Variants in DXO observed in about 807,000 individuals in gnomAD.
The protein encoded by DXO is decapping exoribonuclease.
In DXO, 42 loss-of-function variants were observed where a neutral mutation model predicts 39.8. The observed-to-expected ratio is 1.06, with a 90% CI of 0.83 to 1.37. The LOEUF (loss-of-function observed/expected upper bound fraction) is 1.37, where lower values mean the gene tolerates loss of function less well. DXO is among the 40% of genes most tolerant of loss of function. The pLI is 0.00. For synonymous variants in DXO, 193 were observed against 200.4 expected, an observed-to-expected ratio of 0.96 and a Z score of 0.31; for missense variants, 495 against 513.0, an observed-to-expected ratio of 0.96 and a Z score of 0.34.
Position 31,970,797 on chromosome 6 carries a change from A to G in DXO, c.621T>C (p.Ser207=), listed in dbSNP as rs1322031556. The part of the protein sequence containing the change: ...ADKPGSSPDP[S]GEVNTNVAFC... ...AGGCCACGTTGGTGTTAACCTCCCC[A>G]GAGGGGTCTGGGGAGCTTCCAGGTT... The change falls in exon 4 of 7, where the codon TCT becomes TCC. Residue 207 remains serine (S), a synonymous_variant. Coordinates refer to ENST00000337523, the MANE Select transcript of DXO (RefSeq NM_005510.4). This position sits in a 1 kb window ranked among gnomAD's most constrained non-coding sequence, Gnocchi z 4.0. 2 of 1,612,818 alleles carry G rather than the reference A, an allele frequency of 1.2e-6. No homozygotes were observed. Among genetic ancestry groups the G allele is most frequent in the Non-Finnish European group, 1.7e-6 (2 of 1,179,922 alleles).
chr6:31,970,495 G>C lies in DXO; in HGVS notation c.813-17C>G, dbSNP rs537356595. Reference sequence around the variant, plus strand: ...AGCTTGTGTCTGACAGGAAAAGCAAGGGATCAGTGGGACCCCTCGTGCACC... The same window carrying C: ...AGCTTGTGTCTGACAGGAAAAGCAACGGATCAGTGGGACCCCTCGTGCACC... On this transcript the variant is annotated splice_polypyrimidine_tract_variant and intron_variant, in intron 4 of 6. Transcript: ENST00000337523. The surrounding 1 kb of genome is among the most constrained non-coding windows in gnomAD (Gnocchi z 4.0). 1.2e-6 allele frequency: 2 copies of C among 1,613,912 alleles called. No individual in the cohort carries two copies. Among genetic ancestry groups the C allele is most frequent in the Non-Finnish European group, 1.7e-6 (2 of 1,180,006 alleles).
Position 31,970,633 on chromosome 6 carries a change from C to G in DXO, c.785G>C (p.Ser262Thr), listed in dbSNP as rs144456656. 102 of 1,613,276 alleles carry G rather than the reference C, an allele frequency of 6.3e-5. No individual in the cohort carries two copies. The African/African-American group carries it at 1.3e-3, about 21-fold the overall frequency. ...GTAGAAACTCCTCCATTGGCCAGGG[C>G]TGTGCATCTCCTTGGAGGTCTTGAG... Reference protein sequence around the residue: ...VELKTSKEMHSPGQWRSFYRH... With the variant: ...VELKTSKEMHTPGQWRSFYRH... Residue 262 changes from serine (S) to threonine (T), a missense_variant, in exon 4 of 7, where the codon AGC (serine) becomes ACC (threonine). Physicochemically the swap from Ser to Thr is moderately conservative, Grantham distance 58. Transcript: ENST00000337523. The surrounding 1 kb of genome is among the most constrained non-coding windows in gnomAD (Gnocchi z 4.0).
Position 31,970,089 on chromosome 6 carries a change from G to A in DXO, c.1043+20C>T. ...TGGATCCTGGGATCCAGAGGGGAGG[G>A]ACAGAGCTGAATGCCTCACCTGGGG... is the stretch of plus-strand genomic sequence containing the variant. On this transcript the variant is annotated intron_variant, in intron 6 of 6. Coordinates refer to ENST00000337523, the MANE Select transcript of DXO (RefSeq NM_005510.4). This position sits in a 1 kb window ranked among gnomAD's most constrained non-coding sequence, Gnocchi z 4.0. 6.2e-7 allele frequency: 1 copy of A among 1,613,892 alleles called. No homozygotes were observed. Among genetic ancestry groups the A allele is most frequent in the Non-Finnish European group, 8.5e-7 (1 of 1,180,004 alleles).
Position 31,972,132 on chromosome 6 carries a change from C to A in DXO, c.-210G>T. 6.2e-7 allele frequency: 1 copy of A among 1,613,004 alleles called. No homozygotes were observed. ...CGTGGCCACCGGCGCCCCTCCACGC[C>A]GCCAACGAGTCCCCGGGCGTGCGTG... On this transcript the variant is annotated 5_prime_UTR_variant, in exon 1 of 7. Coordinates refer to ENST00000337523, the MANE Select transcript of DXO (RefSeq NM_005510.4). The surrounding 1 kb of genome is among the most constrained non-coding windows in gnomAD (Gnocchi z 6.3).
Position 31,970,666 on chromosome 6 carries a change from TAGC to T in DXO, c.749_751del (p.Cys250del), listed in dbSNP as rs769714467. The T allele has an allele frequency of 6.2e-7, 1 of 1,613,016 alleles. No individual in the cohort carries two copies. On this transcript the variant is annotated inframe_deletion, in exon 4 of 7. Transcript: ENST00000337523. The surrounding 1 kb of genome is among the most constrained non-coding windows in gnomAD (Gnocchi z 4.0). ...CTCCTTGGAGGTCTTGAGCTCCACATAGCAGGTTGGGGGCTGTGTGGATGGGGC... is the reference window on the plus strand; with the variant it reads ...CTCCTTGGAGGTCTTGAGCTCCACATAGGTTGGGGGCTGTGTGGATGGGGC...
rs752684336 is a variant in DXO, at chr6:31,969,847, G to A, written c.*30C>T. On this transcript the variant is annotated 3_prime_UTR_variant, in exon 7 of 7. Transcript: ENST00000337523. This position sits in a 1 kb window ranked among gnomAD's most constrained non-coding sequence, Gnocchi z 6.1. Reference sequence around the variant, plus strand: ...AATATGCTTTTATTATCTGCACACAGAGATATGACTGCCTCCCTCTAAAGC... The same window carrying A: ...AATATGCTTTTATTATCTGCACACAAAGATATGACTGCCTCCCTCTAAAGC... 1.2e-6 allele frequency: 2 copies of A among 1,614,030 alleles called. No individual in the cohort carries two copies. Among genetic ancestry groups the A allele is most frequent in the East Asian group, 2.2e-5 (1 of 44,890 alleles).
In DXO at chr6:31,971,454, G is replaced by C. The variant is rs375449615; in HGVS notation, c.222C>G (p.Pro74=). The C allele has an allele frequency of 5.0e-6, 8 of 1,613,684 alleles. No individual in the cohort carries two copies. The highest frequency in any genetic ancestry group is 1.7e-4 in the Middle Eastern group (1 of 6,056). ...CAAAGTTGGGGCCTGGACCGTTAGT[G>C]GGGGGTGGGCTATAGTAGCGCAGGG... ...ARALRYYSPP[P]TNGPGPNFDL... is the part of the protein sequence containing the mutation. The change falls in exon 2 of 7, where the codon CCC becomes CCG. Residue 74 remains proline (P), a synonymous_variant. Transcript: ENST00000337523. The surrounding 1 kb of genome is among the most constrained non-coding windows in gnomAD (Gnocchi z 4.5).
rs749997061 is a variant in DXO at position 31,970,756 on chromosome 6, C to T, written c.662G>A (p.Arg221His). The T allele has an allele frequency of 6.2e-6, 10 of 1,612,830 alleles. No individual in the cohort carries two copies. The African/African-American group carries it at 6.7e-5, about 11-fold the overall frequency. Residue 221 changes from arginine (R) to histidine (H), a missense_variant, in exon 4 of 7, where the codon CGC becomes CAC. Arg to His is a conservative substitution (Grantham distance 29). Coordinates refer to ENST00000337523, the MANE Select transcript of DXO (RefSeq NM_005510.4). The surrounding 1 kb of genome is among the most constrained non-coding windows in gnomAD (Gnocchi z 4.0). The part of the protein sequence containing the change: ...NTNVAFCSVL[R>H]SRLGSHPLLF... The stretch of plus-strand genomic sequence containing the variant: ...CAGAGGGTGGCTTCCCAGGCGGCTG[C>T]GTAGCACAGAGCAGAAGGCCACGTT...
rs780681918 is a variant in DXO at position 31,970,660 on chromosome 6, T to C, written c.758A>G (p.Glu253Gly). Residue 253 changes from glutamate to glycine, a missense_variant, in exon 4 of 7, where the codon GAG becomes GGG. Physicochemically the swap from Glu to Gly is moderately conservative, Grantham distance 98 (BLOSUM62 -2). Transcript: ENST00000337523. The surrounding 1 kb of genome is among the most constrained non-coding windows in gnomAD (Gnocchi z 4.0). ...GTGCATCTCCTTGGAGGTCTTGAGC[T>C]CCACATAGCAGGTTGGGGGCTGTGT... ...PSTQPPTCYV[E>G]LKTSKEMHSP... The C allele has an allele frequency of 1.2e-6, 2 of 1,612,980 alleles. No homozygotes were observed. Among genetic ancestry groups the C allele is most frequent in the South Asian group, 1.1e-5 (1 of 91,072 alleles).
Position 31,971,655 on chromosome 6 carries a change from C to A in DXO, c.21G>T (p.Lys7Asn), listed in dbSNP as rs1277227997. ...CTACCTCTGTCTTCTCAGCTCCTCT[C>A]TTGGTCCCCCTGGGATCCATGAGGT... MDPRGT[K>N]RGAEKTEVAE... Residue 7 changes from lysine to asparagine, a missense_variant, in exon 2 of 7, where the codon AAG becomes AAT. Lys to Asn is a moderately conservative substitution (Grantham distance 94, BLOSUM62 0). Coordinates refer to ENST00000337523, the MANE Select transcript of DXO (RefSeq NM_005510.4). This position sits in a 1 kb window ranked among gnomAD's most constrained non-coding sequence, Gnocchi z 4.5. 1 of 1,607,594 alleles carries A rather than the reference C, an allele frequency of 6.2e-7. No individual in the cohort carries two copies. The highest frequency in any genetic ancestry group is 1.7e-5 in the Admixed American group (1 of 59,996).
Position 31,970,399 on chromosome 6 carries a change from CGTCT to C in DXO, c.888_891del (p.Asp297ValfsTer12). The C allele has an allele frequency of 1.2e-6, 2 of 1,614,046 alleles. No homozygotes were observed. The highest frequency in any genetic ancestry group is 1.7e-6 in the Non-Finnish European group (2 of 1,180,008). On this transcript the variant is annotated frameshift_variant, in exon 5 of 7. Coordinates refer to ENST00000337523, the MANE Select transcript of DXO (RefSeq NM_005510.4). LOFTEE classifies it high-confidence loss of function. This position sits in a 1 kb window ranked among gnomAD's most constrained non-coding sequence, Gnocchi z 4.0. ...AAGGTCTTGAGGGAAGAGACAAAAC[CGTCT>C]GGGTTACGGAAGCCAGCAACAACAT...
In DXO at chr6:31,971,995, G is replaced by A; in HGVS notation, c.-73C>T. 5 of 1,598,258 alleles carry A rather than the reference G, an allele frequency of 3.1e-6. No homozygotes were observed. The highest frequency in any genetic ancestry group is 4.3e-6 in the Non-Finnish European group (5 of 1,168,112). ...CATGGCAGGCACGCCAGAGGCCGAAGGATGCAAAAGTGGTTTTCTGCTTTC... is the reference window on the plus strand; with the variant it reads ...CATGGCAGGCACGCCAGAGGCCGAAAGATGCAAAAGTGGTTTTCTGCTTTC... On this transcript the variant is annotated 5_prime_UTR_variant, in exon 1 of 7. Transcript: ENST00000337523. This position sits in a 1 kb window ranked among gnomAD's most constrained non-coding sequence, Gnocchi z 4.5.
In DXO at chr6:31,970,439, T is replaced by A; in HGVS notation, c.852A>T (p.Pro284=). The A allele has an allele frequency of 6.2e-7, 1 of 1,614,016 alleles. No individual in the cohort carries two copies. The highest frequency in any genetic ancestry group is 1.7e-5 in the Admixed American group (1 of 60,022). ...LLKWWAQSFL[P]GVPNVVAGFR... ...AGCCAGCAACAACATTCGGGACCCC[T>A]GGGAGGAATGACTGAGCCCACCATT... The change falls in exon 5 of 7, where the codon CCA becomes CCT. Residue 284 remains proline, a synonymous_variant. Transcript: ENST00000337523. This position sits in a 1 kb window ranked among gnomAD's most constrained non-coding sequence, Gnocchi z 4.0.
In DXO at chr6:31,970,582, G is replaced by A. The variant is rs763376752; in HGVS notation, c.812+24C>T. 8.1e-6 allele frequency: 13 copies of A among 1,612,416 alleles called. No homozygotes were observed. The highest frequency in any genetic ancestry group is 1.3e-5 in the African/African-American group (1 of 74,808). On this transcript the variant is annotated intron_variant, in intron 4 of 6. Transcript: ENST00000337523. The surrounding 1 kb of genome is among the most constrained non-coding windows in gnomAD (Gnocchi z 4.0). ...TCCCAGCCTTCAAGCCTAAGCTCTC[G>A]CCCTGCCCACCCCGATCCTGAACCT...
In DXO at chr6:31,970,302, G is replaced by GTTTGGGGATA; in HGVS notation, c.948+31_948+40dup. The GTTTGGGGATA allele has an allele frequency of 6.2e-7, 1 of 1,614,036 alleles. No homozygotes were observed. The highest frequency in any genetic ancestry group is 2.2e-5 in the East Asian group (1 of 44,888). The stretch of plus-strand genomic sequence containing the variant: ...TGGATGCTAGACCTGTGGTCTTGGT[G>GTTTGGGGATA]TTTGGGGATACGGGTGGGAGCTGCA... On this transcript the variant is annotated intron_variant, in intron 5 of 6. Coordinates refer to ENST00000337523, the MANE Select transcript of DXO (RefSeq NM_005510.4). The surrounding 1 kb of genome is among the most constrained non-coding windows in gnomAD (Gnocchi z 4.0).
In DXO at chr6:31,971,218, C is replaced by G; in HGVS notation, c.357-71G>C. ...TGAGATGCTCCCCTCGAAGAATAGT[C>G]TTGTTTCTTCTAAGGACTGATTCTC... On this transcript the variant is annotated intron_variant, in intron 2 of 6. Coordinates refer to ENST00000337523, the MANE Select transcript of DXO (RefSeq NM_005510.4). The surrounding 1 kb of genome is among the most constrained non-coding windows in gnomAD (Gnocchi z 4.5). The G allele has an allele frequency of 6.4e-7, 1 of 1,569,848 alleles. No homozygotes were observed. The highest frequency in any genetic ancestry group is 8.7e-7 in the Non-Finnish European group (1 of 1,155,396).
In DXO at chr6:31,972,010, T is replaced by G. The variant is rs1438030599; in HGVS notation, c.-88A>C. The stretch of plus-strand genomic sequence containing the variant: ...AGAGGCCGAAGGATGCAAAAGTGGT[T>G]TTCTGCTTTCGATGATGCAATCATT... On this transcript the variant is annotated 5_prime_UTR_variant, in exon 1 of 7. Transcript: ENST00000337523. This position sits in a 1 kb window ranked among gnomAD's most constrained non-coding sequence, Gnocchi z 6.3. The G allele has an allele frequency of 2.5e-6, 4 of 1,605,028 alleles. No homozygotes were observed. Among genetic ancestry groups the G allele is most frequent in the Non-Finnish European group, 3.4e-6 (4 of 1,173,120 alleles).
rs1773143490 is a variant in DXO at position 31,970,289 on chromosome 6, C to CTGTG, written c.948+50_948+53dup. The CTGTG allele has an allele frequency of 1.9e-5, 31 of 1,613,828 alleles. No individual in the cohort carries two copies. The highest frequency in any genetic ancestry group is 2.6e-5 in the Non-Finnish European group (31 of 1,179,936). Reference sequence around the variant, plus strand: ...CAGGCTGTTGCCCTGGATGCTAGACCTGTGGTCTTGGTGTTTGGGGATACG... The same window carrying CTGTG: ...CAGGCTGTTGCCCTGGATGCTAGACCTGTGTGTGGTCTTGGTGTTTGGGGATACG... On this transcript the variant is annotated intron_variant, in intron 5 of 6. Coordinates refer to ENST00000337523, the MANE Select transcript of DXO (RefSeq NM_005510.4). This position sits in a 1 kb window ranked among gnomAD's most constrained non-coding sequence, Gnocchi z 4.0.
chr6:31,971,928 C>T lies in DXO; in HGVS notation c.-7+1G>A, dbSNP rs1773371915. The T allele has an allele frequency of 3.2e-6, 5 of 1,543,400 alleles. No individual in the cohort carries two copies. The highest frequency in any genetic ancestry group is 4.4e-6 in the Non-Finnish European group (5 of 1,142,540). On this transcript the variant is annotated splice_donor_variant, in intron 1 of 6. Transcript: ENST00000337523. LOFTEE classifies it low-confidence loss of function (5UTR_SPLICE). This position sits in a 1 kb window ranked among gnomAD's most constrained non-coding sequence, Gnocchi z 4.5. The stretch of plus-strand genomic sequence containing the variant: ...TGCGCTCAGATCAAGAATCCAGTTA[C>T]CTCAAAGCTCCCCAACTTCCACCTC...
Sources: gnomAD v4.1 joint callset for allele counts on GRCh38, gnomAD v4.1.1 for gene constraint, Gnocchi (gnomAD v3.1) non-coding constraint, MANE v1.5 for transcripts, NCBI Gene and HGNC (gene_info 2026-07-23, HGNC 2026-07-21) for gene names.